The following PCDH15 variants were observed in gnomAD, a reference collection of about 807,000 sequenced individuals.
PCDH15 encodes protocadherin-15.
A neutral mutation model predicts 178.5 loss-of-function variants in PCDH15; 129 were observed. The ratio of observed to expected loss-of-function variants is 0.72; its 90% confidence interval spans 0.63 to 0.84. PCDH15 has a LOEUF of 0.84. PCDH15 is among the 40% of genes least tolerant of loss of function. The pLI is 0.00. For missense variants in PCDH15, 2,230 were observed against 2,099.9 expected, an observed-to-expected ratio of 1.06 and a Z score of -1.21; for synonymous variants, 800 against 732.0, an observed-to-expected ratio of 1.09 and a Z score of -1.50.
intron 2 of PCDH15, among the ~76,000 whole-genome samples, chr10:55,572,196 T>C (rs1842418521): frequency 6.6e-6 from 1 of 151,868 alleles, no homozygotes; most frequent in Non-Finnish European, 1.5e-5. Flanking sequence ...AGTTTTCTGG[T>C]TTCTTTTTGG....
At chr10:54,963,580 T>C (rs1197169896) in intron 2 of PCDH15, among the ~76,000 whole-genome samples, 2 of 152,212 alleles carry the variant, frequency 1.3e-5, no homozygotes, top group Non-Finnish European at 2.9e-5. Context: ...ATAATACAAA[T>C]GTAAAGGTGA....
At chr10:55,057,389 A>C (rs1564755001) in intron 2 of PCDH15, among the ~76,000 whole-genome samples, 2 of 152,178 alleles carry the variant, frequency 1.3e-5, no homozygotes, top group Non-Finnish European at 2.9e-5. Flanking sequence ...GTTGAGAATA[A>C]ATTTGAATTT....
chr10:54,595,948 C>T (rs1379323840), intron 2 of PCDH15, among the ~76,000 whole-genome samples: 1 of 151,974 alleles, frequency 6.6e-6, no homozygotes, highest in Non-Finnish European at 1.5e-5. Context: ...AAGCAAACCT[C>T]CAGGAAATAT....
At chr10:54,583,084 A>G (rs1264574304) in intron 2 of PCDH15, among the ~76,000 whole-genome samples, 4 of 152,080 alleles carry the variant, frequency 2.6e-5, no homozygotes, top group Non-Finnish European at 5.9e-5. Flanking sequence ...CTTTTCTTAC[A>G]CTATCCTGAA....
chr10:54,617,755 CAAAAAAAAAAA>C (rs71010398), intron 2 of PCDH15, among the ~76,000 whole-genome samples: 1 of 117,128 alleles, frequency 8.5e-6, no homozygotes, highest in Non-Finnish European at 1.8e-5. Context: ...TCTAAAAATA[CAAAAAAAAAAA>C]AAAAAAAAAA....
intron 1 of PCDH15, among the ~76,000 whole-genome samples, chr10:54,689,201 TA>T (rs1455352577): frequency 2.6e-5 from 4 of 152,130 alleles, no homozygotes; most frequent in African/African-American, 9.7e-5. Context: ...CATAGGTAGA[TA>T]AAATGGCTAT....
chr10:54,344,577 T>A (rs148414835), intron 6 of PCDH15, among the ~76,000 whole-genome samples: 99 of 152,232 alleles, frequency 6.5e-4, no homozygotes, highest in African/African-American at 2.3e-3. Context: ...GAGGTTTTAT[T>A]TTTACACCTT....
intron 3 of PCDH15, among the ~76,000 whole-genome samples, chr10:54,886,869 C>A (rs1042442653): frequency 6.6e-6 from 1 of 152,238 alleles, no homozygotes; most frequent in Non-Finnish European, 1.5e-5. Context: ...TTTCTGTCCA[C>A]ATTTCTAACA....
chr10:55,395,003 T>G (rs1280177184), intron 2 of PCDH15, among the ~76,000 whole-genome samples: 2 of 152,030 alleles, frequency 1.3e-5, no homozygotes, highest in African/African-American at 4.8e-5. Context: ...GTAATAATAT[T>G]TAACTATGAA....
rs1299205123 is a variant in PCDH15, at chr10:55,416,278, T to C, written c.-156+211347A>G. Among the ~76,000 whole-genome samples the C allele has an allele frequency of 4.0e-5, 6 of 151,768 alleles. No homozygotes were observed. The South Asian group carries it at 8.3e-4, about 21-fold the overall frequency. On this transcript the variant is annotated intron_variant, in intron 2 of 5. Transcript: ENST00000613346. ...GAACAACAAGAAAATACCTACATTC[T>C]CCTGGTTATCGGAACTTAAGCTATT... is the stretch of plus-strand genomic sequence containing the variant.
At chr10:54,383,853 C>G (rs1207757096) in intron 3 of PCDH15, among the ~76,000 whole-genome samples, 3 of 151,958 alleles carry the variant, frequency 2.0e-5, no homozygotes, top group East Asian at 3.9e-4. Context: ...GAGTCTTGCT[C>G]TGTTGCCCAG....
Position 53,995,702 on chromosome 10 carries a change from C to T in PCDH15, c.2815G>A (p.Ala939Thr). ...RIYKGMVAPD[A>T]VKGTPITTVY... is the part of the protein sequence containing the mutation. ...GTTGTGATAGGTGTACCCTTGACTG[C>T]ATCCGGAGCCACCATCCCTTTGTAT... The change falls in exon 21 of 38, where the codon GCA (alanine) becomes ACA (threonine). Residue 939 changes from alanine (A) to threonine (T), a missense_variant. Coordinates refer to ENST00000644397, the MANE Select transcript of PCDH15 (RefSeq NM_001384140.1). 1.9e-6 allele frequency: 3 copies of T among 1,613,910 alleles called. No homozygotes were observed. Among genetic ancestry groups the T allele is most frequent in the Non-Finnish European group, 2.5e-6 (3 of 1,179,826 alleles).
At chr10:54,459,191 T>G (rs548474199) in intron 3 of PCDH15, among the ~76,000 whole-genome samples, 2 of 152,230 alleles carry the variant, frequency 1.3e-5, no homozygotes, top group South Asian at 2.1e-4. Context: ...GTACAAAGTT[T>G]GTTCCCACCT....
At chr10:55,060,354 G>A (rs1045489583) in intron 2 of PCDH15, among the ~76,000 whole-genome samples, 2 of 151,922 alleles carry the variant, frequency 1.3e-5, no homozygotes, top group Non-Finnish European at 2.9e-5. Context: ...GGAAGGTTTA[G>A]GTTTGAAAAC....
chr10:53,817,117 C>T (rs551464997), intron 34 of PCDH15, among the ~76,000 whole-genome samples: 1 of 152,284 alleles, frequency 6.6e-6, no homozygotes, highest in South Asian at 2.1e-4. Context: ...GCTAGTAGAA[C>T]AACCATTTGA....
intron 2 of PCDH15, among the ~76,000 whole-genome samples, chr10:55,543,421 C>T (rs2132078735): frequency 6.7e-6 from 1 of 150,100 alleles, no homozygotes; most frequent in East Asian, 2.0e-4. Context: ...TACCCCTCAA[C>T]AATTATATAT....
chr10:55,322,181 C>T (rs539623579), upstream of PCDH15, among the ~76,000 whole-genome samples: 77 of 152,212 alleles, frequency 5.1e-4, 1 homozygote, highest in African/African-American at 1.6e-3. Context: ...TTTATAAATG[C>T]GAACTCCCCT....
intron 20 of PCDH15, among the ~76,000 whole-genome samples, chr10:54,016,958 C>T (rs1288840887): frequency 6.6e-6 from 1 of 152,132 alleles, no homozygotes; most frequent in Non-Finnish European, 1.5e-5. Flanking sequence ...TTCCCTAAAC[C>T]TTTTGAATTA....
At chr10:53,893,471 A>G (rs1453737604) in intron 26 of PCDH15, among the ~76,000 whole-genome samples, 3 of 152,264 alleles carry the variant, frequency 2.0e-5, no homozygotes, top group African/African-American at 7.2e-5. Flanking sequence ...TTAAGAAGTC[A>G]TTATATGAAA....
Sources: allele counts gnomAD v4.1 joint callset (sites outside exome capture counted in the v4.1 genomes callset), GRCh38; gene constraint gnomAD v4.1.1; transcripts MANE v1.5; gene names NCBI Gene and HGNC (gene_info 2026-07-23, HGNC 2026-07-21).